Variants in FAM227B observed in about 807,000 individuals in gnomAD.
The protein encoded by FAM227B is family with sequence similarity 227 member B.
FAM227B carries 88 observed loss-of-function variants against 73.8 expected under a neutral mutation model. The ratio of observed to expected loss-of-function variants is 1.19; its 90% CI spans 1.00 to 1.42. The LOEUF (loss-of-function observed/expected upper bound fraction) is 1.42. FAM227B is among the 40% of genes most tolerant of loss of function. FAM227B has a pLI of 0.00. For synonymous variants in FAM227B, 210 were observed against 190.5 expected (o/e 1.10, Z -0.84); for missense variants, 632 against 590.9 (o/e 1.07, Z -0.72).
At chr15:49,426,719 A>C (rs2050162908) in intron 11 of FAM227B, among the ~76,000 whole-genome samples, 1 of 151,942 alleles carries the variant, frequency 6.6e-6, no homozygotes, top group African/African-American at 2.4e-5. Context: ...TCTATAGCAC[A>C]AAAGAAAAAA....
chr15:49,456,542 T>C (rs1469151129), intron 11 of FAM227B, among the ~76,000 whole-genome samples: 2 of 152,146 alleles, frequency 1.3e-5, no homozygotes, highest in Non-Finnish European at 1.5e-5. Flanking sequence ...ACTGGATATA[T>C]ATAAAAATAA....
At chr15:49,592,978 G>A (rs181423465) in intron 3 of FAM227B, among the ~76,000 whole-genome samples, 40 of 152,302 alleles carry the variant, frequency 2.6e-4, no homozygotes, top group African/African-American at 9.4e-4. Flanking sequence ...CCGTGGGCGT[G>A]GGACCCACTG....
intron 13 of FAM227B, among the ~76,000 whole-genome samples, chr15:49,354,326 C>T: frequency 6.6e-6 from 1 of 152,176 alleles, no homozygotes; most frequent in East Asian, 1.9e-4. Context: ...GCATTTCCAT[C>T]TGAGGTACCG....
chr15:49,502,236 C>T lies in FAM227B; in HGVS notation c.1012+5975G>A, dbSNP rs377055137. On this transcript the variant is annotated intron_variant, in intron 11 of 15. Coordinates refer to ENST00000299338, the MANE Select transcript of FAM227B (RefSeq NM_152647.3). ...TCGAACTGTGAGAAGGGGGCCACTG[C>T]CCTCCAGACCCGAGAACGGTAGATC... Among the ~76,000 whole-genome samples, 23 of 152,344 alleles carry T rather than the reference C, an allele frequency of 1.5e-4. No homozygotes were observed. The East Asian group carries it at 3.9e-3, about 26-fold the overall frequency.
At chr15:49,510,956 G>A (rs2152120126) in intron 10 of FAM227B, among the ~76,000 whole-genome samples, 1 of 151,134 alleles carries the variant, frequency 6.6e-6, no homozygotes, top group Non-Finnish European at 1.5e-5. Context: ...TCTGTTCTCT[G>A]GAAGTTTTTT....
chr15:49,517,749 A>G lies in FAM227B; in HGVS notation c.875-9401T>C, dbSNP rs564348555. On this transcript the variant is annotated intron_variant, in intron 10 of 15. Coordinates refer to ENST00000299338, the MANE Select transcript of FAM227B (RefSeq NM_152647.3). ...AATTAATTTTTTACAAATTTAATAT[A>G]TAGTGCTCACATAACCAGCACCTAG... Among the ~76,000 whole-genome samples, 6 of 152,306 alleles carry G rather than the reference A, an allele frequency of 3.9e-5. No individual in the cohort carries two copies. In the South Asian group the frequency reaches 1.0e-3, roughly 26 times the overall value.
intron 11 of FAM227B, among the ~76,000 whole-genome samples, chr15:49,470,908 T>A (rs2054680182): frequency 6.6e-6 from 1 of 152,174 alleles, no homozygotes; most frequent in South Asian, 2.1e-4. Flanking sequence ...TGGGAGAAAT[T>A]CCAGGATGTA....
chr15:49,562,851 AAAT>A (rs1489701148), intron 9 of FAM227B, among the ~76,000 whole-genome samples: 1 of 152,140 alleles, frequency 6.6e-6, no homozygotes, highest in Non-Finnish European at 1.5e-5. Flanking sequence ...ACATACCTCA[AAAT>A]AATAAGAGCC....
chr15:49,442,663 T>G (rs1194465533), intron 11 of FAM227B, among the ~76,000 whole-genome samples: 1 of 151,730 alleles, frequency 6.6e-6, no homozygotes, highest in Admixed American at 6.6e-5. Context: ...TGTCTTTTAT[T>G]GTTGCCTGCC....
chr15:49,525,437 T>C (rs1008655707), intron 10 of FAM227B, among the ~76,000 whole-genome samples: 1 of 151,988 alleles, frequency 6.6e-6, no homozygotes, highest in African/African-American at 2.4e-5. Flanking sequence ...ATTAAACCTT[T>C]TTCCTGTATG....
At chr15:49,386,036 G>A (rs2151546304) in intron 11 of FAM227B, among the ~76,000 whole-genome samples, 1 of 151,934 alleles carries the variant, frequency 6.6e-6, no homozygotes, top group South Asian at 2.1e-4. Flanking sequence ...GAGATTGACA[G>A]CAAAACAATA....
chr15:49,404,293 A>C (rs1470926599), intron 11 of FAM227B, among the ~76,000 whole-genome samples: 1 of 152,172 alleles, frequency 6.6e-6, no homozygotes, highest in East Asian at 1.9e-4. Flanking sequence ...TCCAGTGCTG[A>C]GTTCAGTTCT....
At position 49,508,232 on chromosome 15, in the gene FAM227B, T is replaced by C; in HGVS notation, c.991A>G (p.Ser331Gly). ...TTACTAGTTGATATATGTTCTTGAC[T>C]GTCTGCAATTCTTTCCTTTACTGAT... The part of the protein sequence containing the change: ...AKSVKERIAD[S>G]QEHISTSIDF... Residue 331 changes from serine to glycine, a missense_variant, in exon 11 of 16, where the codon AGT becomes GGT. By Grantham distance (56) the Ser-to-Gly change is moderately conservative (BLOSUM62 0). Transcript: ENST00000299338. The C allele has an allele frequency of 6.2e-7, 1 of 1,610,604 alleles. No individual in the cohort carries two copies. Among genetic ancestry groups the C allele is most frequent in the Non-Finnish European group, 8.5e-7 (1 of 1,178,506 alleles).
intron 8 of FAM227B, among the ~76,000 whole-genome samples, chr15:49,568,667 T>C (rs973500203): frequency 6.6e-6 from 1 of 152,036 alleles, no homozygotes; most frequent in Non-Finnish European, 1.5e-5. Flanking sequence ...CTTAGCACAG[T>C]ACCTGGCAAC....
intron 11 of FAM227B, among the ~76,000 whole-genome samples, chr15:49,440,435 T>C (rs2051529814): frequency 6.6e-6 from 1 of 151,766 alleles, no homozygotes; most frequent in African/African-American, 2.4e-5. Flanking sequence ...GCAAATTGAT[T>C]ATAGTTGGCC....
intron 10 of FAM227B, among the ~76,000 whole-genome samples, chr15:49,513,170 G>A (rs543025223): frequency 1.3e-5 from 2 of 152,214 alleles, no homozygotes; most frequent in East Asian, 1.9e-4. Flanking sequence ...GATCCTTGAG[G>A]AATAGCCACA....
chr15:49,578,638 A>G (rs1176943420), intron 5 of FAM227B, among the ~76,000 whole-genome samples: 8 of 152,206 alleles, frequency 5.3e-5, no homozygotes, highest in Admixed American at 4.6e-4. Flanking sequence ...AACAAATTGG[A>G]AAGAATGATG....
chr15:49,424,694 A>C (rs2083762338), intron 11 of FAM227B: 2 of 832,518 alleles, frequency 2.4e-6, no homozygotes, highest in Admixed American at 3.0e-5. Context: ...AAATTAAATA[A>C]AATGTCACCT....
chr15:49,517,403 A>C (rs914403972), intron 10 of FAM227B, among the ~76,000 whole-genome samples: 1 of 152,166 alleles, frequency 6.6e-6, no homozygotes, highest in African/African-American at 2.4e-5. Flanking sequence ...TCAACAAAGA[A>C]ATAAAAATAT....
Sources: gnomAD v4.1 joint callset for allele counts (sites outside exome capture counted in the v4.1 genomes callset) on GRCh38, gnomAD v4.1.1 for gene constraint, MANE v1.5 for transcripts, NCBI Gene and HGNC (gene_info 2026-07-23, HGNC 2026-07-21) for gene names.